Variants in GNG7 observed in about 807,000 individuals in gnomAD.
GNG7 encodes the protein guanine nucleotide-binding protein G(I)/G(S)/G(O) subunit gamma-7.
A neutral mutation model predicts 4.0 loss-of-function variants in GNG7; 1 was observed. The observed-to-expected ratio is 0.25, with a 90% CI of 0.09 to 1.18. The LOEUF is 1.18. GNG7 is among the 50% of genes most tolerant of loss of function. The probability of loss-of-function intolerance (pLI) is 0.50; values close to 1 mark genes in which losing one functional copy is unlikely to be tolerated. For synonymous variants in GNG7, 34 were observed against 36.9 expected, an observed-to-expected ratio of 0.92 and a Z score of 0.29; for missense variants, 86 against 91.9, an observed-to-expected ratio of 0.94 and a Z score of 0.26.
At chr19:2,648,027 CAAAAA>C (rs56125421) in intron 1 of GNG7, among the ~76,000 whole-genome samples, 73 of 64,470 alleles carry the variant, frequency 1.1e-3, no homozygotes, top group Middle Eastern at 0.011. Flanking sequence ...GACCCTGTCT[CAAAAA>C]AAAAAAAAAA....
intron 2 of GNG7, among the ~76,000 whole-genome samples, chr19:2,576,069 G>A (rs546782885): frequency 0.013 from 1,476 of 113,150 alleles, 33 homozygotes; most frequent in African/African-American, 0.068. Flanking sequence ...TCAGGTACAC[G>A]CAGACATGCA....
intron 1 of GNG7, among the ~76,000 whole-genome samples, chr19:2,658,097 G>A (rs541511699): frequency 7.2e-5 from 11 of 152,150 alleles, no homozygotes; most frequent in South Asian, 2.1e-4. Flanking sequence ...GTGGTCCCCC[G>A]GGCCCAGCTG....
At chr19:2,660,458 G>A (rs1342050283) in intron 1 of GNG7, among the ~76,000 whole-genome samples, 1 of 152,164 alleles carries the variant, frequency 6.6e-6, no homozygotes, top group African/African-American at 2.4e-5. Context: ...TGCCCTCAAA[G>A]GTACAAGAAG....
At chr19:2,628,701 C>A (rs1982081379) in intron 2 of GNG7, among the ~76,000 whole-genome samples, 1 of 150,080 alleles carries the variant, frequency 6.7e-6, no homozygotes, top group Admixed American at 6.6e-5. Context: ...CAGCCCCTAG[C>A]ACCCACCATT....
At chr19:2,577,465 G>A (rs541728678) in intron 2 of GNG7, among the ~76,000 whole-genome samples, 202 of 152,160 alleles carry the variant, frequency 1.3e-3, no homozygotes, top group African/African-American at 4.6e-3. Context: ...GACCCTCCTC[G>A]GGCCTTCTCG....
intron 2 of GNG7, among the ~76,000 whole-genome samples, chr19:2,603,191 C>G (rs532913509): frequency 1.3e-5 from 2 of 151,998 alleles, no homozygotes; most frequent in Non-Finnish European, 2.9e-5. Context: ...CTCAGCCTCC[C>G]GAGTAGCTGG....
intron 3 of GNG7, among the ~76,000 whole-genome samples, chr19:2,526,841 G>A (rs1055037536): frequency 2.3e-4 from 34 of 150,186 alleles, no homozygotes; most frequent in Middle Eastern, 3.5e-3. Context: ...ATTGAATATT[G>A]TTTATCTTAA....
At chr19:2,570,086 C>T (rs892507389) in intron 2 of GNG7, among the ~76,000 whole-genome samples, 42 of 152,068 alleles carry the variant, frequency 2.8e-4, no homozygotes, top group African/African-American at 1.0e-3. Flanking sequence ...GCTCTCCCCT[C>T]GGGAATGAGC....
At chr19:2,659,222 G>C (rs1035686008) in intron 1 of GNG7, among the ~76,000 whole-genome samples, 6 of 151,148 alleles carry the variant, frequency 4.0e-5, no homozygotes, top group Non-Finnish European at 7.4e-5. Flanking sequence ...GCCCACCTTG[G>C]CCTCCCAAAG....
chr19:2,607,562 T>TAAAAAAAAAAAAAAAAAAAAAAAAGAAAA (rs57077280), intron 2 of GNG7, among the ~76,000 whole-genome samples: 1 of 110,578 alleles, frequency 9.0e-6, no homozygotes, highest in African/African-American at 3.6e-5. Flanking sequence ...ACTAAAATGG[T>TAAAAAAAAAAAAAAAAAAAAAAAAGAAAA]AAAAAAAAAA....
intron 2 of GNG7, among the ~76,000 whole-genome samples, chr19:2,639,948 G>A (rs1161495825): frequency 1.3e-5 from 1 of 79,230 alleles, no homozygotes; most frequent in Non-Finnish European, 2.6e-5. Flanking sequence ...GAAGGAGGGA[G>A]AGAGGAAGGA....
intron 1 of GNG7, among the ~76,000 whole-genome samples, chr19:2,698,266 CA>C (rs143122682): frequency 1.2e-4 from 16 of 137,886 alleles, no homozygotes; most frequent in South Asian, 2.4e-4. Context: ...GACCATGTCT[CA>C]AAAAAAAAAG....
rs577017427 is a variant in GNG7 at position 2,633,693 on chromosome 19, C to T, written c.-78+12531G>A. Among the ~76,000 whole-genome samples, 19 of 152,034 alleles carry T rather than the reference C, an allele frequency of 1.2e-4. No individual in the cohort carries two copies. The highest frequency in any genetic ancestry group is 4.3e-4 in the African/African-American group (18 of 41,490). ...GAGAGGACATCGGTGGGCTTGAAAA[C>T]GGGTGTCTGTTTACCGGGGCTTGAG... On this transcript the variant is annotated intron_variant, in intron 2 of 4. Coordinates refer to ENST00000382159, the MANE Select transcript of GNG7 (RefSeq NM_052847.3). The surrounding 1 kb of genome is among the most constrained non-coding windows in gnomAD (Gnocchi z 5.9).
At chr19:2,596,370 T>TA (rs11448195) in intron 2 of GNG7, among the ~76,000 whole-genome samples, 114,642 of 151,402 alleles carry the variant, frequency 0.76, 43,413 homozygotes, top group Admixed American at 0.79. Flanking sequence ...AAAATTAAAA[T>TA]AAAAAATAGT....
chr19:2,635,533 G>T (rs974588164), intron 2 of GNG7, among the ~76,000 whole-genome samples: 5 of 151,764 alleles, frequency 3.3e-5, no homozygotes, highest in Non-Finnish European at 7.4e-5. Flanking sequence ...AACCTCAGAG[G>T]TCCATATGAT....
At chr19:2,532,711 C>T (rs1978633532) in intron 3 of GNG7, among the ~76,000 whole-genome samples, 1 of 152,150 alleles carries the variant, frequency 6.6e-6, no homozygotes, top group Non-Finnish European at 1.5e-5. Context: ...AATGATTAGT[C>T]ATGAAGGAAA....
intron 1 of GNG7, among the ~76,000 whole-genome samples, chr19:2,664,924 C>G (rs1304043241): frequency 6.6e-6 from 1 of 152,184 alleles, no homozygotes; most frequent in South Asian, 2.1e-4. Flanking sequence ...CACCCAGTGT[C>G]CCCTGGGGCA....
At chr19:2,545,937 G>A (rs1393535046) in intron 3 of GNG7, among the ~76,000 whole-genome samples, 1 of 151,434 alleles carries the variant, frequency 6.6e-6, no homozygotes, top group Non-Finnish European at 1.5e-5. Flanking sequence ...CCTGGGCAAC[G>A]GAGCGAGACT....
chr19:2,698,058 G>C (rs1913312562), intron 1 of GNG7, among the ~76,000 whole-genome samples: 5 of 151,848 alleles, frequency 3.3e-5, no homozygotes, highest in Admixed American at 2.6e-4. Flanking sequence ...CCAGAGGTCA[G>C]GAGTTCCAGA....
Sources: allele counts gnomAD v4.1 joint callset (sites outside exome capture counted in the v4.1 genomes callset), GRCh38; gene constraint gnomAD v4.1.1; non-coding constraint Gnocchi (gnomAD v3.1); transcripts MANE v1.5; gene names NCBI Gene and HGNC (gene_info 2026-07-23, HGNC 2026-07-21).